The following IGFBP7 variants were observed in gnomAD, a reference collection of about 807,000 sequenced individuals.
IGFBP7 encodes the protein insulin like growth factor binding protein 7.
In IGFBP7, 31 loss-of-function variants were observed where a neutral mutation model predicts 29.4. The observed-to-expected ratio is 1.05, with a 90% CI of 0.79 to 1.42. IGFBP7 has a LOEUF of 1.42. IGFBP7 is among the 40% of genes most tolerant of loss of function. IGFBP7 has a pLI of 0.00. For missense variants in IGFBP7, 393 were observed against 395.5 expected (o/e 0.99, Z 0.05); for synonymous variants, 172 against 174.9 (o/e 0.98, Z 0.13).
At chr4:57,058,882 G>C (rs6817232) in intron 1 of IGFBP7, among the ~76,000 whole-genome samples, 127,296 of 152,184 alleles carry the variant, frequency 0.84, 53,604 homozygotes, top group East Asian at 0.97. Context: ...CATCTGTAAG[G>C]AACTTAAACA....
intron 3 of IGFBP7, among the ~76,000 whole-genome samples, 189 bp downstream of exon 3, chr4:57,033,006 A>G (rs935415687): frequency 1.3e-5 from 2 of 152,236 alleles, no homozygotes; most frequent in African/African-American, 4.8e-5. Context: ...TGTTTTCAAA[A>G]CATGCAATAA....
chr4:57,102,942 G>A (rs569743098), intron 1 of IGFBP7, among the ~76,000 whole-genome samples: 12 of 152,284 alleles, frequency 7.9e-5, no homozygotes, highest in African/African-American at 2.9e-4. Flanking sequence ...AGGGACTTTA[G>A]GGGGAAGAGA....
rs770867579 is a variant in IGFBP7 at position 57,109,906 on chromosome 4, G to T, written c.446C>A (p.Thr149Asn). 4.5e-6 allele frequency: 7 copies of T among 1,555,976 alleles called. No homozygotes were observed. The South Asian group carries it at 8.2e-5, about 18-fold the overall frequency. ...CTCGCAGGTGCCCTTGCTGACCTGG[G>T]TGATGGCCTTCTCCCCGCGGCTCTC... ...RAESRGEKAI[T>N]QVSKGTCEQG... is the part of the protein sequence containing the mutation. The change falls in exon 1 of 5, where the codon ACC becomes AAC. Residue 149 changes from threonine to asparagine, a missense_variant. Transcript: ENST00000295666.
At chr4:57,067,616 T>C (rs1411846019) in intron 1 of IGFBP7, among the ~76,000 whole-genome samples, 24 of 152,166 alleles carry the variant, frequency 1.6e-4, no homozygotes, top group Non-Finnish European at 5.9e-5. Context: ...AATGTGCTTA[T>C]AGTTAACAGC....
chr4:57,040,910 T>C lies in IGFBP7; in HGVS notation c.499A>G (p.Lys167Glu), dbSNP rs775615128. The change falls in exon 2 of 5, where the codon AAG becomes GAG. Residue 167 changes from lysine to glutamate, a missense_variant. By Grantham distance (56) the Lys-to-Glu change is moderately conservative. Transcript: ENST00000295666. ...GCACCAGTGACATTCCAGATGTCCT[T>C]GGGGGGCGTCACTATGGAAGGACCT... The part of the protein sequence containing the change: ...EQGPSIVTPP[K>E]DIWNVTGAQV... 4 of 1,613,938 alleles carry C rather than the reference T, an allele frequency of 2.5e-6. No individual in the cohort carries two copies. Among genetic ancestry groups the C allele is most frequent in the Non-Finnish European group, 3.4e-6 (4 of 1,179,928 alleles).
intron 1 of IGFBP7, among the ~76,000 whole-genome samples, chr4:57,097,923 C>T (rs1255691601): frequency 6.6e-6 from 1 of 152,160 alleles, no homozygotes; most frequent in African/African-American, 2.4e-5. Flanking sequence ...CACTGGAGAC[C>T]TGTCAAACCC....
In IGFBP7 at chr4:57,031,080, G is replaced by A; in HGVS notation, c.*237C>T. 1.2e-6 allele frequency: 1 copy of A among 814,620 alleles called. No individual in the cohort carries two copies. Among genetic ancestry groups the A allele is most frequent in the Non-Finnish European group, 2.1e-6 (1 of 480,112 alleles). The allele number at this position is 814,620 out of a possible 1,614,324, so 50.5% of individuals were successfully genotyped here. ...AAAAATGACAAATATGTACTGTGTT[G>A]TGATAAAAAGTATTTTATTTGTTTA... On this transcript the variant is annotated 3_prime_UTR_variant, in exon 5 of 5. Transcript: ENST00000295666.
intron 1 of IGFBP7, among the ~76,000 whole-genome samples, chr4:57,061,390 C>A (rs1234698752): frequency 1.3e-5 from 2 of 152,038 alleles, no homozygotes; most frequent in Non-Finnish European, 2.9e-5. Context: ...TTAACAACAG[C>A]AACTAATAGT....
At chr4:57,079,809 C>T (rs1725319544) in intron 1 of IGFBP7, among the ~76,000 whole-genome samples, 1 of 152,214 alleles carries the variant, frequency 6.6e-6, no homozygotes. Flanking sequence ...AAAGTTACTA[C>T]TGTCCTTACC....
At chr4:57,060,908 A>G (rs1393268530) in intron 1 of IGFBP7, among the ~76,000 whole-genome samples, 8 of 151,534 alleles carry the variant, frequency 5.3e-5, no homozygotes, top group Admixed American at 4.6e-4. Context: ...GACGGGGCAA[A>G]AAAGTTTTTT....
chr4:57,094,505 A>G (rs1725716215), intron 1 of IGFBP7, among the ~76,000 whole-genome samples: 1 of 152,162 alleles, frequency 6.6e-6, no homozygotes. Flanking sequence ...TGCCACTCCT[A>G]TGAAAACTTA....
chr4:57,066,004 A>C (rs1464451454), intron 1 of IGFBP7, among the ~76,000 whole-genome samples: 3 of 151,694 alleles, frequency 2.0e-5, no homozygotes, highest in Non-Finnish European at 4.4e-5. Context: ...TTGTGCTCAG[A>C]CTCCATACAC....
At chr4:57,051,338 G>A (rs546188262) in intron 1 of IGFBP7, among the ~76,000 whole-genome samples, 6 of 152,190 alleles carry the variant, frequency 3.9e-5, no homozygotes, top group Non-Finnish European at 7.4e-5. Context: ...TCTAGCACAC[G>A]GTCTCAGGGG....
intron 1 of IGFBP7, among the ~76,000 whole-genome samples, chr4:57,055,165 C>CA (rs1724624926): frequency 6.6e-6 from 1 of 150,860 alleles, no homozygotes; most frequent in African/African-American, 2.5e-5. Context: ...AGCAGACACG[C>CA]AGAGCCTCAG....
chr4:57,071,200 A>T (rs922546107), intron 1 of IGFBP7, among the ~76,000 whole-genome samples: 7 of 143,846 alleles, frequency 4.9e-5, no homozygotes, highest in African/African-American at 1.8e-4. Flanking sequence ...TGTTTTTGAT[A>T]TATTGGGGGG....
chr4:57,083,434 C>A (rs1314480473), intron 1 of IGFBP7, among the ~76,000 whole-genome samples: 2 of 152,198 alleles, frequency 1.3e-5, no homozygotes, highest in Non-Finnish European at 2.9e-5. Flanking sequence ...TGTTTAATGG[C>A]CACTTGCAGT....
At position 57,072,826 on chromosome 4, in the gene IGFBP7, G is replaced by C. The variant is rs183996156; in HGVS notation, c.476-31893C>G. ...CTGGCACAGCATATGAAGACCTGAG[G>C]TATAAGCTCTCCCTAGAGCTCCCCA... On this transcript the variant is annotated intron_variant, in intron 1 of 4. Coordinates refer to ENST00000295666, the MANE Select transcript of IGFBP7 (RefSeq NM_001553.3). The C allele has an allele frequency of 8.4e-4, 486 of 580,548 alleles. 3 individuals carry two copies. Among genetic ancestry groups the C allele is most frequent in the African/African-American group, 8.2e-3 (437 of 53,588 alleles). The allele number at this position is 580,548 out of a possible 1,614,324, so 36.0% of individuals were successfully genotyped here. A position where few individuals can be genotyped will look rare whatever the true frequency, so the allele number is the denominator to read the frequency against.
chr4:57,035,647 G>C (rs1319838716), intron 2 of IGFBP7, among the ~76,000 whole-genome samples: 1 of 152,012 alleles, frequency 6.6e-6, no homozygotes, highest in Non-Finnish European at 1.5e-5. Flanking sequence ...TTTTAGTAGA[G>C]ACGGGGTTTT....
At chr4:57,051,058 A>C (rs1370166124) in intron 1 of IGFBP7, among the ~76,000 whole-genome samples, 1 of 152,232 alleles carries the variant, frequency 6.6e-6, no homozygotes, top group Non-Finnish European at 1.5e-5. Flanking sequence ...AGTTCAGACA[A>C]CTTGGCAAAA....
Sources: gnomAD v4.1 joint callset for allele counts (sites outside exome capture counted in the v4.1 genomes callset) on GRCh38, gnomAD v4.1.1 for gene constraint, MANE v1.5 for transcripts, NCBI Gene and HGNC (gene_info 2026-07-23, HGNC 2026-07-21) for gene names.